RGS6: variants seen among roughly 807,000 people sequenced by gnomAD.
RGS6 encodes regulator of G-protein signaling 6.
Under a neutral mutation model 78.5 loss-of-function variants are expected in RGS6, and 30 were observed. The ratio of observed to expected loss-of-function variants is 0.38; its 90% CI spans 0.29 to 0.52. The LOEUF (loss-of-function observed/expected upper bound fraction) is 0.52. RGS6 is among the 20% of genes least tolerant of loss of function. The pLI is 0.85. For synonymous variants in RGS6, 206 were observed against 206.0 expected (o/e 1.00, Z 0.00); for missense variants, 495 against 609.7 (o/e 0.81, Z 1.98).
At chr14:72,456,393 C>T (rs2095631463) in intron 4 of RGS6, among the ~76,000 whole-genome samples, 1 of 152,238 alleles carries the variant, frequency 6.6e-6, no homozygotes, top group African/African-American at 2.4e-5. Flanking sequence ...CTGGCCCAAG[C>T]CATCTTCCAC....
intron 2 of RGS6, among the ~76,000 whole-genome samples, chr14:72,300,172 C>G (rs974394549): frequency 1.2e-4 from 18 of 151,830 alleles, no homozygotes; most frequent in Non-Finnish European, 2.2e-4. Flanking sequence ...GTAGCTTTTA[C>G]TTTTTCTCTA....
Position 72,533,613 on chromosome 14 carries a change from C to A in RGS6, c.1279-2573C>A, listed in dbSNP as rs868616808. On this transcript the variant is annotated intron_variant, in intron 15 of 17. Coordinates refer to ENST00000553525, the MANE Select transcript of RGS6 (RefSeq NM_001204424.2). The stretch of plus-strand genomic sequence containing the variant: ...CCCTTCTGGTGGATGCCATTAAGAA[C>A]ATTTGTGTTTCGTGGAAAGAAGTAA... Among the ~76,000 whole-genome samples the A allele has an allele frequency of 2.6e-5, 4 of 152,192 alleles. No homozygotes were observed. In the South Asian group the frequency reaches 8.3e-4, roughly 31 times the overall value.
intron 2 of RGS6, among the ~76,000 whole-genome samples, chr14:72,023,455 T>G (rs985282303): frequency 4.6e-5 from 7 of 152,226 alleles, no homozygotes; most frequent in Non-Finnish European, 7.3e-5. Context: ...AAACTAGATA[T>G]TCACTAGAAC....
intron 2 of RGS6, among the ~76,000 whole-genome samples, chr14:71,987,708 A>G (rs2094778016): frequency 6.6e-6 from 1 of 151,978 alleles, no homozygotes; most frequent in East Asian, 1.9e-4. Context: ...TTTTGTAGAG[A>G]CAGGGTCTCA....
At position 72,385,505 on chromosome 14, in the gene RGS6, T is replaced by C. The variant is rs921992381; in HGVS notation, c.184+33311T>C. Among the ~76,000 whole-genome samples the C allele has an allele frequency of 3.9e-5, 6 of 152,286 alleles. No individual in the cohort carries two copies. In the East Asian group the frequency reaches 9.7e-4, roughly 25 times the overall value. On this transcript the variant is annotated intron_variant, in intron 3 of 17. Transcript: ENST00000553525. ...AATTGGGGTATATTCCTTAAACATA[T>C]AGTAGGGAATGGGGCTGGTGAATCA... is the stretch of plus-strand genomic sequence containing the variant.
intron 2 of RGS6, among the ~76,000 whole-genome samples, chr14:72,282,540 TG>T (rs2061757156): frequency 2.0e-5 from 3 of 152,170 alleles, no homozygotes; most frequent in African/African-American, 7.2e-5. Context: ...ATGCTACTCC[TG>T]GTTTAAGACA....
chr14:72,540,171 T>C lies in RGS6; in HGVS notation c.1422+77T>C, dbSNP rs200194370. On this transcript the variant is annotated intron_variant, in intron 17 of 17. Transcript: ENST00000553525. ...TCTTTCTTCTTCTTTTTTTTTTTTT[T>C]CCCTTTGGTTGTTGTTTCCTTTGGG... 8,454 of 1,458,344 alleles carry C rather than the reference T, an allele frequency of 5.8e-3. 43 individuals carry two copies. Among genetic ancestry groups the C allele is most frequent in the Middle Eastern group, 1.0e-2 (56 of 5,612 alleles). 90.3% of individuals were successfully genotyped at this position (1,458,344 alleles called of 1,614,324 possible). A position where few individuals can be genotyped will look rare whatever the true frequency, so the allele number is the denominator to read the frequency against.
At chr14:72,260,282 G>A (rs891167646) in intron 2 of RGS6, among the ~76,000 whole-genome samples, 21 of 152,266 alleles carry the variant, frequency 1.4e-4, no homozygotes, top group East Asian at 5.8e-4. Context: ...TGTTTTGAGC[G>A]CTGAGTTGCT....
the RGS6 span, among the ~76,000 whole-genome samples, chr14:71,873,976 G>C: frequency 6.6e-6 from 1 of 151,888 alleles, no homozygotes; most frequent in African/African-American, 2.4e-5. Flanking sequence ...ATTTCTGAGG[G>C]CTCTGTTCTG....
At chr14:71,987,738 C>T (rs1331154419) in intron 2 of RGS6, among the ~76,000 whole-genome samples, 1 of 152,114 alleles carries the variant, frequency 6.6e-6, no homozygotes, top group African/African-American at 2.4e-5. Context: ...CCAGGCTGGG[C>T]TTGAACTCCT....
At chr14:72,182,465 A>AAGC in intron 2 of RGS6, among the ~76,000 whole-genome samples, 1 of 151,440 alleles carries the variant, frequency 6.6e-6, no homozygotes, top group South Asian at 2.1e-4. Flanking sequence ...AGAATAGCTT[A>AAGC]TATTTTCTAT....
chr14:72,614,002 C>T, the RGS6 span, among the ~76,000 whole-genome samples: 2 of 152,130 alleles, frequency 1.3e-5, no homozygotes, highest in African/African-American at 4.8e-5. Context: ...GCTGTCCACT[C>T]ACAGACCAGA....
intron 2 of RGS6, among the ~76,000 whole-genome samples, chr14:72,052,723 A>G (rs2093325439): frequency 6.6e-6 from 1 of 152,162 alleles, no homozygotes; most frequent in Non-Finnish European, 1.5e-5. Flanking sequence ...GTCCATCTCT[A>G]TACTTTTCCT....
At position 71,937,082 on chromosome 14, in the gene RGS6, C is replaced by T. The variant is rs191719830; in HGVS notation, c.-21+4141C>T. Among the ~76,000 whole-genome samples, 69 of 152,244 alleles carry T rather than the reference C, an allele frequency of 4.5e-4. 1 individual carries two copies. The highest frequency in any genetic ancestry group is 2.5e-3 in the East Asian group (13 of 5,188). ...ATGCCCTAATGGATTTCCTGTGTTC[C>T]ATATGTAGTCTTCCTTACCTCTGCT... On this transcript the variant is annotated intron_variant, in intron 1 of 17. Transcript: ENST00000553525.
the RGS6 span, among the ~76,000 whole-genome samples, chr14:71,870,812 G>T: frequency 1.3e-5 from 2 of 152,154 alleles, no homozygotes; most frequent in African/African-American, 4.8e-5. Flanking sequence ...CAGGATTCCA[G>T]AACTGTCCAC....
At chr14:71,874,654 C>T in the RGS6 span, among the ~76,000 whole-genome samples, 1 of 152,152 alleles carries the variant, frequency 6.6e-6, no homozygotes, top group Non-Finnish European at 1.5e-5. Flanking sequence ...TGCCTGATTG[C>T]CCTGGCTAGA....
At chr14:72,346,367 A>G (rs925260348) in intron 2 of RGS6, among the ~76,000 whole-genome samples, 2 of 152,218 alleles carry the variant, frequency 1.3e-5, no homozygotes, top group East Asian at 1.9e-4. Context: ...GACAAGAGGC[A>G]TGGAGAAGGA....
intron 2 of RGS6, among the ~76,000 whole-genome samples, chr14:72,103,653 C>A (rs1471349559): frequency 6.6e-6 from 1 of 152,138 alleles, no homozygotes; most frequent in East Asian, 1.9e-4. Context: ...GAACAAAAAT[C>A]AAATTGTGAA....
chr14:71,879,339 A>G, the RGS6 span, among the ~76,000 whole-genome samples: 5 of 152,228 alleles, frequency 3.3e-5, no homozygotes, highest in Non-Finnish European at 7.3e-5. Context: ...TTAAAGACAG[A>G]ACTGACTCTA....
Sources: gnomAD v4.1 joint callset for allele counts (sites outside exome capture counted in the v4.1 genomes callset) on GRCh38, gnomAD v4.1.1 for gene constraint, MANE v1.5 for transcripts, NCBI Gene and HGNC (gene_info 2026-07-23, HGNC 2026-07-21) for gene names.